The following CPA3 variants were observed in gnomAD, a reference collection of about 807,000 sequenced individuals.
The protein encoded by CPA3 is mast cell carboxypeptidase A.
Under a neutral mutation model 55.8 loss-of-function variants are expected in CPA3, and 52 were observed. The observed-to-expected ratio is 0.93, with a 90% CI of 0.75 to 1.17. The LOEUF (loss-of-function observed/expected upper bound fraction) is 1.17, where lower values mean the gene tolerates loss of function less well. CPA3 is among the 50% of genes most tolerant of loss of function. CPA3 has a pLI of 0.00. For synonymous variants in CPA3, 179 were observed against 171.2 expected (o/e 1.05, Z -0.36); for missense variants, 547 against 509.1 (o/e 1.07, Z -0.72).
rs191632954 is a variant in CPA3 at position 148,896,808 on chromosome 3, T to C, written c.*101T>C. 1.3e-5 allele frequency: 13 copies of C among 974,812 alleles called. No individual in the cohort carries two copies. In the East Asian group the frequency reaches 3.3e-4, roughly 25 times the overall value. 60.4% of individuals were successfully genotyped at this position (974,812 alleles called of 1,614,324 possible). A position where few individuals can be genotyped will look rare whatever the true frequency, so the allele number is the denominator to read the frequency against. ...CCCCAAATGCAGCTTCTATTTCACC[T>C]GAATCCTTCTCTTGCTCATTTAAGT... On this transcript the variant is annotated 3_prime_UTR_variant, in exon 11 of 11. Coordinates refer to ENST00000296046, the MANE Select transcript of CPA3 (RefSeq NM_001870.4).
chr3:148,870,092 C>CAAAAAAAAAAAA (rs66460704), intron 3 of CPA3: 1 of 63,474 alleles, frequency 1.6e-5, no homozygotes, highest in Non-Finnish European at 2.9e-5. Flanking sequence ...GACTCCATCT[C>CAAAAAAAAAAAA]AAAAAAAAAA....
At chr3:148,884,662 C>T (rs1443311629) in intron 9 of CPA3, among the ~76,000 whole-genome samples, 1 of 152,046 alleles carries the variant, frequency 6.6e-6, no homozygotes, top group African/African-American at 2.4e-5. Flanking sequence ...TTAATTGGAG[C>T]AGAGACCTGA....
At chr3:148,879,568 A>T (rs1397591926) in intron 5 of CPA3, among the ~76,000 whole-genome samples, 2 of 152,218 alleles carry the variant, frequency 1.3e-5, no homozygotes, top group East Asian at 1.9e-4. Context: ...CACTAGAAAA[A>T]TTTTTTGAAA....
chr3:148,892,878 C>G (rs920854206), intron 10 of CPA3, among the ~76,000 whole-genome samples: 1 of 64,038 alleles, frequency 1.6e-5, no homozygotes, highest in Admixed American at 1.7e-4. Flanking sequence ...GCACTTGGAC[C>G]TGGGAGGCAG....
At chr3:148,885,639 T>C (rs1714510331) in intron 9 of CPA3, among the ~76,000 whole-genome samples, 1 of 152,048 alleles carries the variant, frequency 6.6e-6, no homozygotes, top group Non-Finnish European at 1.5e-5. Context: ...CTCCATCTCC[T>C]GACCTCATGA....
intron 3 of CPA3, among the ~76,000 whole-genome samples, chr3:148,870,999 C>A (rs992816298): frequency 6.6e-5 from 10 of 152,084 alleles, no homozygotes; most frequent in Admixed American, 1.3e-4. Flanking sequence ...CCCGGGTTCA[C>A]GCCATTCTCC....
At position 148,881,516 on chromosome 3, in the gene CPA3, C is replaced by T. The variant is rs373390200; in HGVS notation, c.577-6C>T. On this transcript the variant is annotated splice_polypyrimidine_tract_variant and splice_region_variant and intron_variant, in intron 6 of 10. Coordinates refer to ENST00000296046, the MANE Select transcript of CPA3 (RefSeq NM_001870.4). ...CAATAGCTTAATTTTTTTTCACCTCCGACAGGCAACCAAAACTTATGGGAG... is the reference window on the plus strand; with the variant it reads ...CAATAGCTTAATTTTTTTTCACCTCTGACAGGCAACCAAAACTTATGGGAG... The T allele has an allele frequency of 7.1e-5, 114 of 1,597,348 alleles. No individual in the cohort carries two copies. Among genetic ancestry groups the T allele is most frequent in the Non-Finnish European group, 9.4e-5 (110 of 1,166,994 alleles).
intron 8 of CPA3, among the ~76,000 whole-genome samples, chr3:148,883,037 C>T (rs780588156): frequency 3.3e-5 from 5 of 152,218 alleles, no homozygotes; most frequent in Non-Finnish European, 5.9e-5. Context: ...AGGCCTGCTA[C>T]ATCAGACGAT....
At chr3:148,892,799 G>A (rs2108040633) in intron 10 of CPA3, among the ~76,000 whole-genome samples, 1 of 151,976 alleles carries the variant, frequency 6.6e-6, no homozygotes, top group East Asian at 1.9e-4. Flanking sequence ...CCAATATGGT[G>A]AAACCCTGTC....
chr3:148,877,844 G>T lies in CPA3; in HGVS notation c.270-597G>T, dbSNP rs575036432. ...AAGTTTCTCCCAGCTCAGAAGGTGT[G>T]AAATTATAAGGTATGATCTGTAGAT... On this transcript the variant is annotated intron_variant, in intron 3 of 10. Transcript: ENST00000296046. Among the ~76,000 whole-genome samples, 3 of 152,212 alleles carry T rather than the reference G, an allele frequency of 2.0e-5. No homozygotes were observed. In the East Asian group the frequency reaches 5.8e-4, roughly 29 times the overall value.
chr3:148,865,365 C>G lies in CPA3; in HGVS notation c.58C>G (p.Arg20Gly). ...TACCACTCTTGCAATTGCTCCTGTC[C>G]GCTTTGACAGGTAAATCTTACTTCC... ...IATTLAIAPV[R>G]FDREKVFRVK... Residue 20 changes from arginine to glycine, a missense_variant, in exon 1 of 11, where the codon CGC becomes GGC. Physicochemically the swap from Arg to Gly is moderately radical, Grantham distance 125. Coordinates refer to ENST00000296046, the MANE Select transcript of CPA3 (RefSeq NM_001870.4). 1 of 1,614,012 alleles carries G rather than the reference C, an allele frequency of 6.2e-7. No individual in the cohort carries two copies. The highest frequency in any genetic ancestry group is 8.5e-7 in the Non-Finnish European group (1 of 1,179,926).
intron 10 of CPA3, among the ~76,000 whole-genome samples, chr3:148,895,234 C>T (rs1223144645): frequency 6.6e-6 from 1 of 152,174 alleles, no homozygotes; most frequent in East Asian, 1.9e-4. Context: ...AGCTGGATCT[C>T]GTTGGTTTCT....
intron 3 of CPA3, among the ~76,000 whole-genome samples, chr3:148,876,850 C>A (rs1460404757): frequency 2.6e-5 from 4 of 152,090 alleles, no homozygotes; most frequent in African/African-American, 9.7e-5. Context: ...AAATAAAATA[C>A]TTGCATATAT....
At chr3:148,891,641 T>C (rs1265188393) in intron 10 of CPA3, among the ~76,000 whole-genome samples, 2 of 152,196 alleles carry the variant, frequency 1.3e-5, no homozygotes, top group Non-Finnish European at 2.9e-5. Context: ...AAATGTATTC[T>C]ACTTCATAGC....
intron 3 of CPA3, among the ~76,000 whole-genome samples, chr3:148,876,326 C>A (rs1490855717): frequency 6.6e-6 from 1 of 151,330 alleles, no homozygotes; most frequent in East Asian, 1.9e-4. Context: ...TAATGTCTAT[C>A]AAAAAATCCC....
intron 7 of CPA3, 121 bp from the exon 8 acceptor site, chr3:148,882,384 C>T: frequency 1.6e-6 from 1 of 626,388 alleles, no homozygotes; most frequent in Non-Finnish European, 2.7e-6. Context: ...AATAAAGGGC[C>T]TCAAGTTAAC....
chr3:148,895,913 G>A (rs1393251450), intron 10 of CPA3, among the ~76,000 whole-genome samples: 1 of 152,084 alleles, frequency 6.6e-6, no homozygotes, highest in Non-Finnish European at 1.5e-5. Context: ...TGAGTTATAT[G>A]TATATAACCT....
intron 3 of CPA3, among the ~76,000 whole-genome samples, chr3:148,878,166 GC>G (rs1306702130): frequency 6.6e-6 from 1 of 152,084 alleles, no homozygotes. Flanking sequence ...TACACATACA[GC>G]AATCTACTCT....
chr3:148,878,794 C>T (rs753574446), intron 5 of CPA3, 46 bp downstream of exon 5: 2 of 1,174,058 alleles, frequency 1.7e-6, no homozygotes, highest in Admixed American at 2.1e-5. Flanking sequence ...TGTTGAAAAA[C>T]ATGAATTTAA....
Sources: allele counts gnomAD v4.1 joint callset (sites outside exome capture counted in the v4.1 genomes callset), GRCh38; gene constraint gnomAD v4.1.1; transcripts MANE v1.5; gene names NCBI Gene and HGNC (gene_info 2026-07-23, HGNC 2026-07-21).